PCDHA4: variants seen among roughly 807,000 people sequenced by gnomAD.
The protein encoded by PCDHA4 is protocadherin alpha 4.
A neutral mutation model predicts 61.4 loss-of-function variants in PCDHA4; 49 were observed. The observed-to-expected ratio is 0.80, with a 90% CI of 0.63 to 1.01. The LOEUF is 1.01. Ranked by LOEUF, PCDHA4 falls within the 50% of genes least tolerant of loss-of-function variation. PCDHA4 has a pLI of 0.00. For missense variants in PCDHA4, 1,254 were observed against 1,235.8 expected (o/e 1.01, Z -0.22); for synonymous variants, 590 against 550.3 (o/e 1.07, Z -1.01).
At chr5:140,933,512 A>C (rs2089201610) in intron 1 of PCDHA4, among the ~76,000 whole-genome samples, 1 of 152,078 alleles carries the variant, frequency 6.6e-6, no homozygotes, top group African/African-American at 2.4e-5. Context: ...CAAAGACTAC[A>C]GCTGTTTTGT....
chr5:140,845,374 T>C (rs1368895191), intron 1 of PCDHA4, among the ~76,000 whole-genome samples: 1 of 149,664 alleles, frequency 6.7e-6, no homozygotes, highest in Non-Finnish European at 1.5e-5. Flanking sequence ...ATATCATAAA[T>C]AGGAGGATTC....
rs1195696269 is a variant in PCDHA4, at chr5:141,010,821, TTTG to T, written c.*890_*892del. ...AACCCCGACACCTCACCTTTCGCTG[TTTG>T]TTGTTTCATAGATTTATTTAAAAAA... is the stretch of plus-strand genomic sequence containing the variant. On this transcript the variant is annotated 3_prime_UTR_variant, in exon 4 of 4. Coordinates refer to ENST00000530339, the MANE Select transcript of PCDHA4 (RefSeq NM_018907.4). 3 of 153,772 alleles carry T rather than the reference TTTG, an allele frequency of 2.0e-5. No individual in the cohort carries two copies. The highest frequency in any genetic ancestry group is 4.4e-5 in the Non-Finnish European group (3 of 68,048). 9.5% of individuals were successfully genotyped at this position (153,772 alleles called of 1,614,324 possible).
chr5:140,928,697 G>C, intron 1 of PCDHA4: 9 of 1,614,124 alleles, frequency 5.6e-6, no homozygotes, highest in Non-Finnish European at 5.9e-6. Context: ...CACATCTCCC[G>C]GGCGTCTGAC....
intron 1 of PCDHA4, chr5:140,857,079 A>C: frequency 6.3e-7 from 1 of 1,597,252 alleles, no homozygotes; most frequent in African/African-American, 1.3e-5. Flanking sequence ...GATGAAAATG[A>C]TAATTCACCT....
At chr5:140,918,793 A>G (rs155800) in intron 1 of PCDHA4, among the ~76,000 whole-genome samples, 49,687 of 146,416 alleles carry the variant, frequency 0.34, 8,402 homozygotes, top group East Asian at 0.54. Context: ...GACACAGCAA[A>G]AATGTGACAT....
intron 3 of PCDHA4, among the ~76,000 whole-genome samples, chr5:141,009,322 G>C (rs2098405890): frequency 6.6e-6 from 1 of 152,206 alleles, no homozygotes. Flanking sequence ...AGCCTGGCAT[G>C]GGAGCTTGTG....
In PCDHA4 at chr5:140,876,678, G is replaced by C. The variant is rs782561315; in HGVS notation, c.2385+67106G>C. ...CCTTCAAGCTGGTGTCCACCTACAA[G>C]AATTACTACTCGTTGGTGCTGGACA... On this transcript the variant is annotated intron_variant, in intron 1 of 3. Coordinates refer to ENST00000530339, the MANE Select transcript of PCDHA4 (RefSeq NM_018907.4). The C allele has an allele frequency of 1.9e-6, 3 of 1,614,100 alleles. No individual in the cohort carries two copies. In the East Asian group the frequency reaches 6.7e-5, roughly 36 times the overall value.
intron 1 of PCDHA4, chr5:140,869,346 T>G (rs781810947): frequency 4.3e-6 from 7 of 1,613,936 alleles, no homozygotes; most frequent in East Asian, 2.2e-5. Flanking sequence ...ATCTGCAGAA[T>G]GGCATTTTGT....
At chr5:140,828,654 A>G (rs1769871452) in intron 1 of PCDHA4, 1 of 1,614,224 alleles carries the variant, frequency 6.2e-7, no homozygotes, top group South Asian at 1.1e-5. Flanking sequence ...AACAGTGATG[A>G]CAATAAACAA....
chr5:140,853,692 C>G, intron 1 of PCDHA4: 1 of 987,924 alleles, frequency 1.0e-6, no homozygotes, highest in Non-Finnish European at 1.2e-6. Context: ...ATCCTTAGAC[C>G]TGCTAACGCA....
At chr5:140,852,905 G>C in intron 1 of PCDHA4, 3 of 819,178 alleles carry the variant, frequency 3.7e-6, no homozygotes, top group Non-Finnish European at 4.5e-6. Flanking sequence ...TTGAGTCAGA[G>C]TCTCGCTCTG....
At chr5:140,875,413 C>T (rs2055464602) in intron 1 of PCDHA4, 2 of 1,507,300 alleles carry the variant, frequency 1.3e-6, no homozygotes, top group South Asian at 2.7e-5. Flanking sequence ...TCATAAAATA[C>T]CTCAGGCAAG....
chr5:140,869,392 G>T, intron 1 of PCDHA4: 1 of 1,614,164 alleles, frequency 6.2e-7, no homozygotes, highest in Non-Finnish European at 8.5e-7. Flanking sequence ...GGAGCTGTGC[G>T]GGCAGAGCGC....
At chr5:140,897,258 G>A (rs1008292814) in intron 1 of PCDHA4, among the ~76,000 whole-genome samples, 1 of 151,682 alleles carries the variant, frequency 6.6e-6, no homozygotes, top group African/African-American at 2.4e-5. Flanking sequence ...ATGTATACAT[G>A]TGCCATGCTG....
intron 1 of PCDHA4, among the ~76,000 whole-genome samples, chr5:140,911,424 T>C (rs1180624921): frequency 6.6e-6 from 1 of 152,168 alleles, no homozygotes; most frequent in Non-Finnish European, 1.5e-5. Context: ...TAAGAACTTG[T>C]GTCCAATTTC....
At position 140,835,349 on chromosome 5, in the gene PCDHA4, T is replaced by C. The variant is rs2150234349; in HGVS notation, c.2385+25777T>C. ...GAGCACACAAGATCCCAGTCGAGGC[T>C]GTCGATAAAGGCTTCCCACCCCTGG... On this transcript the variant is annotated intron_variant, in intron 1 of 3. Coordinates refer to ENST00000530339, the MANE Select transcript of PCDHA4 (RefSeq NM_018907.4). 5.4e-5 allele frequency: 87 copies of C among 1,613,822 alleles called. No individual in the cohort carries two copies. In the Middle Eastern group the frequency reaches 9.9e-4, roughly 18 times the overall value.
At chr5:140,828,128 T>C in intron 1 of PCDHA4, 1 of 1,613,504 alleles carries the variant, frequency 6.2e-7, no homozygotes, top group Non-Finnish European at 8.5e-7. Flanking sequence ...GGGAAAGCAA[T>C]GTCTGCTCCT....
intron 1 of PCDHA4, among the ~76,000 whole-genome samples, chr5:140,955,964 A>G (rs148345661): frequency 5.3e-5 from 8 of 152,256 alleles, no homozygotes; most frequent in African/African-American, 1.7e-4. Flanking sequence ...TTGTTTGTGC[A>G]TAGGAATGCT....
intron 1 of PCDHA4, chr5:140,928,636 A>G: frequency 6.2e-7 from 1 of 1,614,206 alleles, no homozygotes; most frequent in Non-Finnish European, 8.5e-7. Context: ...CTTGGTCACA[A>G]AAGTGGTAGC....
Sources: gnomAD v4.1 joint callset for allele counts (sites outside exome capture counted in the v4.1 genomes callset) on GRCh38, gnomAD v4.1.1 for gene constraint, MANE v1.5 for transcripts, NCBI Gene and HGNC (gene_info 2026-07-23, HGNC 2026-07-21) for gene names.